Variants in SCARB1 observed in about 807,000 individuals in gnomAD.
SCARB1 encodes CD36 and LIMPII analogous 1.
SCARB1 carries 30 observed loss-of-function variants against 57.2 expected under a neutral mutation model. That is an observed-to-expected ratio of 0.52 (90% CI 0.39 to 0.71). The LOEUF (loss-of-function observed/expected upper bound fraction) is 0.71. Among genes scored for constraint, SCARB1 ranks in the 30% least tolerant of loss-of-function variants. SCARB1 has a pLI of 0.00. For missense variants in SCARB1, 543 were observed against 671.2 expected (o/e 0.81, Z 2.11); for synonymous variants, 249 against 268.3 (o/e 0.93, Z 0.70).
rs1221531558 is a variant in SCARB1 at position 124,789,670 on chromosome 12, G to GA, written c.1203-2214dup. 2.6e-5 allele frequency among the ~76,000 whole-genome samples: 4 copies of GA among 151,844 alleles called. No homozygotes were observed. The highest frequency in any genetic ancestry group is 5.9e-5 in the Non-Finnish European group (4 of 67,964). On this transcript the variant is annotated intron_variant, in intron 9 of 12. Transcript: ENST00000261693. The surrounding 1 kb of genome is among the most constrained non-coding windows in gnomAD (Gnocchi z 4.4). ...GCAATCAGGCAAGAGAAAGAAAAAC[G>GA]AAAAAACAAAAACAAATTTTAAAAC...
At chr12:124,811,098 G>A (rs1263412055) in intron 5 of SCARB1, among the ~76,000 whole-genome samples, 4 of 152,212 alleles carry the variant, frequency 2.6e-5, no homozygotes, top group Non-Finnish European at 5.9e-5. Flanking sequence ...GATGTTCAAA[G>A]AAGAAACAAT....
In SCARB1 at chr12:124,812,013, G is replaced by A. The variant is rs1379338232; in HGVS notation, c.631-48C>T. On this transcript the variant is annotated intron_variant, in intron 4 of 12. Coordinates refer to ENST00000261693, the MANE Select transcript of SCARB1 (RefSeq NM_005505.5). The surrounding 1 kb of genome is among the most constrained non-coding windows in gnomAD (Gnocchi z 4.3). ...CATCGTAAGGCTTAGGCCTGCCATT[G>A]AGCCGGCCTGGTCTGAACATTCTGG... 2 of 1,424,630 alleles carry A rather than the reference G, an allele frequency of 1.4e-6. No individual in the cohort carries two copies. The highest frequency in any genetic ancestry group is 1.8e-5 in the Admixed American group (1 of 54,394). 88.2% of individuals were successfully genotyped at this position (1,424,630 alleles called of 1,614,324 possible). A position where few individuals can be genotyped will look rare whatever the true frequency, so the allele number is the denominator to read the frequency against.
intron 1 of SCARB1, among the ~76,000 whole-genome samples, chr12:124,829,430 C>G (rs949581239): frequency 6.6e-6 from 1 of 152,196 alleles, no homozygotes; most frequent in African/African-American, 2.4e-5. Context: ...GCTCAAACCT[C>G]CCCCATGCCT....
intron 1 of SCARB1, among the ~76,000 whole-genome samples, chr12:124,854,854 C>T (rs1469425464): frequency 1.3e-5 from 2 of 152,074 alleles, no homozygotes; most frequent in Admixed American, 6.5e-5. Flanking sequence ...AGTTGAGATA[C>T]GGACTCTGCT....
intron 1 of SCARB1, among the ~76,000 whole-genome samples, chr12:124,826,071 G>T (rs931757263): frequency 4.6e-5 from 7 of 151,716 alleles, no homozygotes; most frequent in Non-Finnish European, 1.0e-4. Context: ...CGGGACTCAT[G>T]CCTGTAATCC....
intron 9 of SCARB1, among the ~76,000 whole-genome samples, chr12:124,791,213 G>T (rs997609294): frequency 6.6e-6 from 1 of 152,220 alleles, no homozygotes; most frequent in Non-Finnish European, 1.5e-5. Context: ...ACTTGGCCCC[G>T]TGTGGCTTTT....
rs1360757421 is a variant in SCARB1 at position 124,807,623 on chromosome 12, G to A, written c.1009+138C>T. On this transcript the variant is annotated intron_variant, in intron 7 of 12. Coordinates refer to ENST00000261693, the MANE Select transcript of SCARB1 (RefSeq NM_005505.5). This position sits in a 1 kb window ranked among gnomAD's most constrained non-coding sequence, Gnocchi z 5.3. Reference sequence around the variant, plus strand: ...CTTCCTTTTCAGATTATCTTCCTGCGGCCTCATTATCTTCGCCTAATGGGA... The same window carrying A: ...CTTCCTTTTCAGATTATCTTCCTGCAGCCTCATTATCTTCGCCTAATGGGA... The A allele has an allele frequency of 1.6e-5, 13 of 791,680 alleles. No homozygotes were observed. The highest frequency in any genetic ancestry group is 3.5e-5 in the African/African-American group (2 of 57,290). The allele number at this position is 791,680 out of a possible 1,614,324, so 49.0% of individuals were successfully genotyped here. A position where few individuals can be genotyped will look rare whatever the true frequency, so the allele number is the denominator to read the frequency against.
intron 1 of SCARB1, among the ~76,000 whole-genome samples, chr12:124,838,266 A>G (rs2135774914): frequency 6.6e-6 from 1 of 152,336 alleles, no homozygotes; most frequent in African/African-American, 2.4e-5. Context: ...CAGGGCGCAG[A>G]CCTAGTTCTG....
chr12:124,849,707 T>A (rs186603733), intron 1 of SCARB1, among the ~76,000 whole-genome samples: 24 of 152,324 alleles, frequency 1.6e-4, no homozygotes, highest in Admixed American at 1.4e-3. Context: ...AAGATAGAAC[T>A]GAGCTTCGGA....
intron 12 of SCARB1, among the ~76,000 whole-genome samples, chr12:124,779,733 G>A (rs367704021): frequency 4.9e-4 from 74 of 152,156 alleles, no homozygotes; most frequent in Admixed American, 3.7e-3. Context: ...GAGCAACAGA[G>A]GCCTCCCTGC....
intron 8 of SCARB1, among the ~76,000 whole-genome samples, chr12:124,799,399 T>C (rs184673970): frequency 6.6e-6 from 1 of 152,038 alleles, no homozygotes; most frequent in Non-Finnish European, 1.5e-5. Flanking sequence ...GTGGTACATG[T>C]CTGTAGTCCT....
chr12:124,857,662 G>T (rs561357420), intron 1 of SCARB1, among the ~76,000 whole-genome samples: 3 of 152,344 alleles, frequency 2.0e-5, no homozygotes, highest in East Asian at 3.9e-4. Flanking sequence ...AGATACAGGG[G>T]TATCAGGAAA....
chr12:124,800,097 C>T lies in SCARB1; in HGVS notation c.1128+27G>A. ...TGTGCTCCAACCAGGAATCACCCAC[C>T]CCCCACAGAGGATGGCAGGGGCTCA... On this transcript the variant is annotated intron_variant, in intron 8 of 12. Transcript: ENST00000261693. The surrounding 1 kb of genome is among the most constrained non-coding windows in gnomAD (Gnocchi z 4.8). 2 of 1,541,642 alleles carry T rather than the reference C, an allele frequency of 1.3e-6. No homozygotes were observed. The highest frequency in any genetic ancestry group is 1.4e-5 in the African/African-American group (1 of 73,230).
intron 1 of SCARB1, among the ~76,000 whole-genome samples, chr12:124,859,426 G>A (rs1952787345): frequency 1.3e-5 from 2 of 152,114 alleles, no homozygotes; most frequent in Middle Eastern, 3.2e-3. Flanking sequence ...AGCTCCTCAG[G>A]AGGCTGAGGC....
intron 9 of SCARB1, among the ~76,000 whole-genome samples, chr12:124,791,491 C>G (rs1254289348): frequency 6.6e-6 from 1 of 152,146 alleles, no homozygotes; most frequent in Non-Finnish European, 1.5e-5. Flanking sequence ...TCGAAAATTA[C>G]CCGGCATATA....
In SCARB1 at chr12:124,823,714, A is replaced by T. The variant is rs1454660745; in HGVS notation, c.127-6007T>A. On this transcript the variant is annotated intron_variant, in intron 1 of 12. Transcript: ENST00000261693. ...GCAGCACTGTTCGCAATGGGCGAAA[A>T]CGACCCAAGAGTCCGTCAACAGATG... 1.2e-4 allele frequency among the ~76,000 whole-genome samples: 19 copies of T among 152,210 alleles called. 1 individual carries two copies. Among genetic ancestry groups the T allele is most frequent in the Admixed American group, 1.2e-3 (19 of 15,284 alleles).
chr12:124,796,403 CTT>C lies in SCARB1; in HGVS notation c.1129-1137_1129-1136del, dbSNP rs375977532. On this transcript the variant is annotated intron_variant, in intron 8 of 12. Coordinates refer to ENST00000261693, the MANE Select transcript of SCARB1 (RefSeq NM_005505.5). The surrounding 1 kb of genome is among the most constrained non-coding windows in gnomAD (Gnocchi z 4.0). ...CTATACCCAGCTCTTTTTAACGAGA[CTT>C]TTTTTTTTAAGTAAATAACCGAAGT... Among the ~76,000 whole-genome samples, 1 of 149,714 alleles carries C rather than the reference CTT, an allele frequency of 6.7e-6. No homozygotes were observed. Among genetic ancestry groups the C allele is most frequent in the Admixed American group, 6.7e-5 (1 of 14,948 alleles).
chr12:124,785,872 G>T, intron 11 of SCARB1: 1 of 583,422 alleles, frequency 1.7e-6, no homozygotes, highest in Non-Finnish European at 3.0e-6. Context: ...TTTCTATTTG[G>T]CTCTAACCCC....
intron 12 of SCARB1, among the ~76,000 whole-genome samples, chr12:124,780,322 A>AG (rs1283191706): frequency 2.0e-5 from 3 of 152,224 alleles, no homozygotes; most frequent in African/African-American, 7.2e-5. Context: ...GCCCTACAGC[A>AG]GGCCTCATCT....
Sources: gnomAD v4.1 joint callset for allele counts (sites outside exome capture counted in the v4.1 genomes callset) on GRCh38, gnomAD v4.1.1 for gene constraint, Gnocchi (gnomAD v3.1) non-coding constraint, MANE v1.5 for transcripts, NCBI Gene and HGNC (gene_info 2026-07-23, HGNC 2026-07-21) for gene names.